Variants in RAF1 observed in about 807,000 individuals in gnomAD.
RAF1 encodes RAF proto-oncogene serine/threonine-protein kinase.
In RAF1, 27 loss-of-function variants were observed where a neutral mutation model predicts 81.1. That is an observed-to-expected ratio of 0.33 (90% CI 0.25 to 0.46). The LOEUF (loss-of-function observed/expected upper bound fraction) is 0.46, where lower values mean the gene tolerates loss of function less well. Ranked by LOEUF, RAF1 falls within the 20% of genes least tolerant of loss-of-function variation. RAF1 has a pLI of 1.00. For synonymous variants in RAF1, 298 were observed against 294.0 expected, an observed-to-expected ratio of 1.01 and a Z score of -0.14; for missense variants, 598 against 826.0, an observed-to-expected ratio of 0.72 and a Z score of 3.38.
chr3:12,604,338 G>A (rs1459306341), intron 6 of RAF1, 49 bp from the exon 7 acceptor site: 1 of 1,583,736 alleles, frequency 6.3e-7, no homozygotes, highest in Non-Finnish European at 8.6e-7. Context: ...CTTTCATACT[G>A]GTGAAGTCTT....
At chr3:12,644,311 T>C (rs950818413) in intron 1 of RAF1, among the ~76,000 whole-genome samples, 14 of 152,190 alleles carry the variant, frequency 9.2e-5, no homozygotes, top group African/African-American at 3.1e-4. Flanking sequence ...AATGTTTCAG[T>C]GAAAATGTTA....
Position 12,664,086 on chromosome 3 carries a change from C to A in RAF1, c.-300G>T. The stretch of plus-strand genomic sequence containing the variant: ...ACAATCGTTTTCCTCTTACTCCCGC[C>A]ATCTAAGATGGCGGCCCAAGCGCCC... On this transcript the variant is annotated 5_prime_UTR_variant, in exon 1 of 18. The change abolishes an upstream ATG in the 5' untranslated region. Coordinates refer to ENST00000442415, the MANE Select transcript of RAF1 (RefSeq NM_001354689.3). 2.5e-6 allele frequency: 1 copy of A among 398,420 alleles called. No individual in the cohort carries two copies. 24.7% of individuals were successfully genotyped at this position (398,420 alleles called of 1,614,324 possible).
intron 11 of RAF1, among the ~76,000 whole-genome samples, chr3:12,592,379 T>TA (rs1049731539): frequency 6.6e-6 from 1 of 152,208 alleles, no homozygotes; most frequent in African/African-American, 2.4e-5. Flanking sequence ...CAGAGATATA[T>TA]ATTGAAATTA....
At chr3:12,605,590 T>C (rs748053067) in intron 6 of RAF1, among the ~76,000 whole-genome samples, 5 of 152,164 alleles carry the variant, frequency 3.3e-5, no homozygotes, top group Admixed American at 6.5e-5. Context: ...AAGTAAGATA[T>C]TTTGGATGTA....
At chr3:12,600,918 AT>A (rs1415027009) in intron 8 of RAF1, among the ~76,000 whole-genome samples, 2 of 152,248 alleles carry the variant, frequency 1.3e-5, no homozygotes, top group Non-Finnish European at 2.9e-5. Flanking sequence ...AAAGAAAGCA[AT>A]GTACACAACA....
chr3:12,644,837 T>C (rs1472715533), intron 1 of RAF1, among the ~76,000 whole-genome samples: 5 of 152,072 alleles, frequency 3.3e-5, no homozygotes, highest in African/African-American at 7.2e-5. Context: ...TGGTGGCTCA[T>C]GGCTATAATC....
At chr3:12,639,844 T>C (rs1317287399) in intron 1 of RAF1, among the ~76,000 whole-genome samples, 2 of 152,174 alleles carry the variant, frequency 1.3e-5, no homozygotes, top group African/African-American at 2.4e-5. Context: ...CCAATGACTT[T>C]CTTCACAGAA....
chr3:12,586,070 C>T (rs565178768), intron 14 of RAF1, among the ~76,000 whole-genome samples: 13 of 152,342 alleles, frequency 8.5e-5, no homozygotes, highest in Middle Eastern at 3.4e-3. Context: ...TCCCCATTTG[C>T]ACATCTAGGT....
chr3:12,626,678 T>C (rs984192583), intron 1 of RAF1, among the ~76,000 whole-genome samples: 13 of 152,160 alleles, frequency 8.5e-5, no homozygotes, highest in Admixed American at 3.3e-4. Context: ...TGGAAACTAA[T>C]TGTAAAATCA....
rs758684190 is a variant in RAF1, at chr3:12,585,704, G to T, written c.1573C>A (p.Pro525Thr). 6.8e-6 allele frequency: 11 copies of T among 1,614,006 alleles called. No homozygotes were observed. The highest frequency in any genetic ancestry group is 9.3e-6 in the Non-Finnish European group (11 of 1,179,846). The change falls in exon 15 of 18, where the codon CCT becomes ACT. Residue 525 changes from proline (P) to threonine (T), a missense_variant. By Grantham distance (38) the Pro-to-Thr change is conservative. Around this residue, in one of 5 missense-constraint regions of RAF1, gnomAD observed 147 missense variants for 196.1 expected, o/e 0.75. Coordinates refer to ENST00000442415, the MANE Select transcript of RAF1 (RefSeq NM_001354689.3). ...ACCATCCAGAGGACAGAGCCAGTAGGTTGTTCAACCTGCTGAGAACCACTC... is the reference window on the plus strand; with the variant it reads ...ACCATCCAGAGGACAGAGCCAGTAGTTTGTTCAACCTGCTGAGAACCACTC...
intron 13 of RAF1, chr3:12,590,176 G>C (rs2058464321): frequency 6.5e-6 from 1 of 153,140 alleles, no homozygotes; most frequent in African/African-American, 2.4e-5. Context: ...GCCTCAGACA[G>C]CTGAGCAGAA....
At chr3:12,642,671 T>TACACACACAC (rs71063856) in intron 1 of RAF1, among the ~76,000 whole-genome samples, 1,832 of 117,010 alleles carry the variant, frequency 0.016, 29 homozygotes, top group Middle Eastern at 0.039. Flanking sequence ...ACACCATCTC[T>TACACACACAC]ACACACACAC....
intron 3 of RAF1, among the ~76,000 whole-genome samples, chr3:12,611,352 G>C (rs973128811): frequency 6.6e-6 from 1 of 151,896 alleles, no homozygotes; most frequent in African/African-American, 2.4e-5. Context: ...CGAACAGCTA[G>C]GACTACAGGG....
At chr3:12,624,896 A>AC (rs1330634834) in intron 1 of RAF1, among the ~76,000 whole-genome samples, 4 of 130,504 alleles carry the variant, frequency 3.1e-5, no homozygotes, top group African/African-American at 5.4e-5. Flanking sequence ...AAAAAAAAAA[A>AC]AAAAAACAAA....
At chr3:12,611,358 C>T (rs920254356) in intron 3 of RAF1, among the ~76,000 whole-genome samples, 5 of 152,100 alleles carry the variant, frequency 3.3e-5, no homozygotes, top group African/African-American at 1.2e-4. Flanking sequence ...GCTAGGACTA[C>T]AGGGCCGCAC....
chr3:12,662,919 A>C (rs1209131055), intron 1 of RAF1, among the ~76,000 whole-genome samples: 1 of 152,110 alleles, frequency 6.6e-6, no homozygotes, highest in African/African-American at 2.4e-5. Flanking sequence ...CCAGGCAAGC[A>C]GAAACGCTCA....
At chr3:12,606,549 CTTTT>C (rs888518743) in intron 5 of RAF1, among the ~76,000 whole-genome samples, 1 of 150,798 alleles carries the variant, frequency 6.6e-6, no homozygotes, top group Non-Finnish European at 1.5e-5. Flanking sequence ...TTTTCTTTTT[CTTTT>C]TTTTTAAGAT....
intron 1 of RAF1, among the ~76,000 whole-genome samples, chr3:12,659,257 G>A (rs1336718099): frequency 3.3e-5 from 5 of 151,196 alleles, no homozygotes; most frequent in East Asian, 1.9e-4. Context: ...GTGAAACCTC[G>A]TCTCTACTAA....
intron 3 of RAF1, among the ~76,000 whole-genome samples, chr3:12,611,640 C>T (rs1195810813): frequency 3.3e-5 from 5 of 152,184 alleles, no homozygotes; most frequent in South Asian, 2.1e-4. Flanking sequence ...GCGGAGCTTG[C>T]GGTGAGCCGA....
Sources: allele counts gnomAD v4.1 joint callset (sites outside exome capture counted in the v4.1 genomes callset), GRCh38; gene constraint gnomAD v4.1.1; regional missense constraint gnomAD v4.1.1; transcripts MANE v1.5; gene names NCBI Gene and HGNC (gene_info 2026-07-23, HGNC 2026-07-21).